ADAMTSL1: variants seen among roughly 807,000 people sequenced by gnomAD.
ADAMTSL1 encodes the protein ADAMTS-like protein 1.
In ADAMTSL1, 126 loss-of-function variants were observed where a neutral mutation model predicts 201.8. That is an observed-to-expected ratio of 0.62 (90% CI 0.54 to 0.72). The LOEUF is 0.72. ADAMTSL1 is among the 30% of genes least tolerant of loss of function. The pLI is 0.00. For synonymous variants in ADAMTSL1, 1,121 were observed against 903.4 expected, an observed-to-expected ratio of 1.24 and a Z score of -4.32; for missense variants, 2,679 against 2,277.8, an observed-to-expected ratio of 1.18 and a Z score of -3.59.
At chr9:18,482,922 A>T (rs1255672559) in intron 1 of ADAMTSL1, among the ~76,000 whole-genome samples, 4 of 152,174 alleles carry the variant, frequency 2.6e-5, no homozygotes, top group African/African-American at 9.7e-5. Flanking sequence ...AATTTCCCTG[A>T]TATACTACAC....
intron 2 of ADAMTSL1, among the ~76,000 whole-genome samples, chr9:18,261,368 A>G (rs967444811): frequency 2.0e-5 from 3 of 152,174 alleles, no homozygotes; most frequent in South Asian, 2.1e-4. Flanking sequence ...TGGTTGTGCA[A>G]TCTAACACAG....
intron 19 of ADAMTSL1, among the ~76,000 whole-genome samples, chr9:18,793,708 T>A (rs1298196592): frequency 2.0e-5 from 3 of 152,212 alleles, no homozygotes; most frequent in African/African-American, 7.2e-5. Context: ...GAGCCATTTC[T>A]GTGCTATCAA....
chr9:18,135,559 G>C (rs1385626239), intron 1 of ADAMTSL1, among the ~76,000 whole-genome samples: 1 of 152,084 alleles, frequency 6.6e-6, no homozygotes, highest in Non-Finnish European at 1.5e-5. Context: ...TACTCAGGAG[G>C]CTGAGATGGG....
chr9:18,183,549 G>T (rs560106762), intron 2 of ADAMTSL1, among the ~76,000 whole-genome samples: 1 of 152,190 alleles, frequency 6.6e-6, no homozygotes, highest in South Asian at 2.1e-4. Context: ...GTTCAAAAAT[G>T]GGCCAAAGAC....
At chr9:18,431,440 T>C (rs1428207780) in intron 2 of ADAMTSL1, among the ~76,000 whole-genome samples, 1 of 152,214 alleles carries the variant, frequency 6.6e-6, no homozygotes, top group Non-Finnish European at 1.5e-5. Flanking sequence ...TGAGCATCCT[T>C]TGAAATGTTT....
At chr9:18,404,686 T>C (rs1818116592) in intron 2 of ADAMTSL1, among the ~76,000 whole-genome samples, 1 of 152,202 alleles carries the variant, frequency 6.6e-6, no homozygotes, top group Admixed American at 6.5e-5. Context: ...CCTGGCATTG[T>C]GCCCAGTGGA....
intron 1 of ADAMTSL1, among the ~76,000 whole-genome samples, chr9:17,922,087 C>T (rs1024233235): frequency 1.8e-4 from 26 of 144,728 alleles, no homozygotes; most frequent in African/African-American, 5.8e-4. Flanking sequence ...GCAGTTCAGG[C>T]TTTTTTTTTT....
chr9:18,246,349 G>C (rs1156238479), intron 2 of ADAMTSL1, among the ~76,000 whole-genome samples: 1 of 152,036 alleles, frequency 6.6e-6, no homozygotes, highest in Non-Finnish European at 1.5e-5. Flanking sequence ...ATAGAAAAGG[G>C]GGTATACTGA....
intron 20 of ADAMTSL1, among the ~76,000 whole-genome samples, chr9:18,816,530 C>A (rs772958964): frequency 2.5e-4 from 38 of 152,106 alleles, no homozygotes; most frequent in Non-Finnish European, 5.9e-5. Flanking sequence ...AGCCACTGCA[C>A]CCAGCACTCT....
At chr9:18,835,388 T>G (rs978683577) in intron 23 of ADAMTSL1, among the ~76,000 whole-genome samples, 1 of 152,138 alleles carries the variant, frequency 6.6e-6, no homozygotes, top group Non-Finnish European at 1.5e-5. Flanking sequence ...GATATGTAAT[T>G]TCCCAATACT....
intron 2 of ADAMTSL1, among the ~76,000 whole-genome samples, chr9:18,250,265 A>G (rs956352411): frequency 4.6e-5 from 7 of 152,162 alleles, no homozygotes; most frequent in African/African-American, 1.7e-4. Context: ...CTGGAAGATG[A>G]CTAAGGGTCT....
chr9:18,255,405 G>C (rs1831646310), intron 2 of ADAMTSL1, among the ~76,000 whole-genome samples: 1 of 152,030 alleles, frequency 6.6e-6, no homozygotes, highest in South Asian at 2.1e-4. Flanking sequence ...GAAACTCTCA[G>C]CAGGTTTCAC....
At chr9:18,743,114 A>G (rs1350853391) in intron 15 of ADAMTSL1, among the ~76,000 whole-genome samples, 1 of 152,204 alleles carries the variant, frequency 6.6e-6, no homozygotes, top group Non-Finnish European at 1.5e-5. Flanking sequence ...TTAATGTGCT[A>G]TCACTCAGAA....
chr9:18,822,929 C>G (rs371060590), intron 21 of ADAMTSL1, among the ~76,000 whole-genome samples: 1 of 151,988 alleles, frequency 6.6e-6, no homozygotes. Flanking sequence ...GGGCTGGTGA[C>G]GTTTTTTAAA....
intron 21 of ADAMTSL1, among the ~76,000 whole-genome samples, 188 bp downstream of exon 21, chr9:18,817,425 G>A (rs566603194): frequency 8.5e-5 from 13 of 152,336 alleles, no homozygotes; most frequent in Non-Finnish European, 1.8e-4. Context: ...GATTAATTCT[G>A]ACTGGGACAG....
At chr9:18,299,180 C>T (rs918662527) in intron 2 of ADAMTSL1, among the ~76,000 whole-genome samples, 7 of 152,018 alleles carry the variant, frequency 4.6e-5, no homozygotes, top group African/African-American at 1.5e-4. Context: ...TTCATGAGCT[C>T]ATACAGCTAA....
intron 13 of ADAMTSL1, among the ~76,000 whole-genome samples, chr9:18,690,349 T>C (rs543963634): frequency 6.6e-6 from 1 of 152,284 alleles, no homozygotes; most frequent in East Asian, 1.9e-4. Flanking sequence ...ATTTTTTAAG[T>C]GGCTAGAAAT....
intron 1 of ADAMTSL1, among the ~76,000 whole-genome samples, chr9:17,917,396 T>C (rs557911240): frequency 6.6e-6 from 1 of 152,196 alleles, no homozygotes; most frequent in African/African-American, 2.4e-5. Flanking sequence ...AAATTGCTTT[T>C]ATTCTTCATT....
chr9:18,418,464 C>A (rs549388377), intron 2 of ADAMTSL1, among the ~76,000 whole-genome samples: 1 of 152,270 alleles, frequency 6.6e-6, no homozygotes, highest in African/African-American at 2.4e-5. Context: ...CTATGTAGAA[C>A]ATCCCAAGGA....
Sources: gnomAD v4.1 joint callset for allele counts (sites outside exome capture counted in the v4.1 genomes callset) on GRCh38, gnomAD v4.1.1 for gene constraint, MANE v1.5 for transcripts, NCBI Gene and HGNC (gene_info 2026-07-23, HGNC 2026-07-21) for gene names.